Variants in ADAM8 observed in about 807,000 individuals in gnomAD.
The protein encoded by ADAM8 is ADAM metallopeptidase domain 8, also known as disintegrin and metalloproteinase domain-containing protein 8.
ADAM8 carries 104 observed loss-of-function variants against 102.4 expected under a neutral mutation model. The observed-to-expected ratio is 1.02, with a 90% CI of 0.87 to 1.20. The LOEUF (loss-of-function observed/expected upper bound fraction) is 1.20, where lower values mean the gene tolerates loss of function less well. Among genes scored for constraint, ADAM8 ranks in the 50% most tolerant of loss-of-function variants. The pLI, the probability that ADAM8 is intolerant of heterozygous loss-of-function variation, is 0.00. For missense variants in ADAM8, 1,132 were observed against 1,159.0 expected, an observed-to-expected ratio of 0.98 and a Z score of 0.34; for synonymous variants, 517 against 485.2, an observed-to-expected ratio of 1.07 and a Z score of -0.86.
chr10:133,274,148 G>T lies in ADAM8; in HGVS notation c.227+11C>A. The T allele has an allele frequency of 6.3e-7, 1 of 1,584,822 alleles. No homozygotes were observed. Among genetic ancestry groups the T allele is most frequent in the Non-Finnish European group, 8.6e-7 (1 of 1,164,966 alleles). On this transcript the variant is annotated intron_variant, in intron 3 of 22. Transcript: ENST00000445355. ...GGCCCGGGCAGGGGGGCCGACCCGA[G>T]ACCCACTCACCTGTTCTTCCGCAGG... is the stretch of plus-strand genomic sequence containing the variant.
chr10:133,274,346 C>T, intron 2 of ADAM8, 111 bp from the exon 3 acceptor site: 1 of 1,028,892 alleles, frequency 9.7e-7, no homozygotes, highest in Non-Finnish European at 1.4e-6. Context: ...GGCCTCCAGC[C>T]CCAGGTCAAG....
Position 133,272,447 on chromosome 10 carries a change from GCCGTGT to G in ADAM8, c.838_843del (p.Thr280_Arg281del). The G allele has an allele frequency of 6.2e-7, 1 of 1,609,560 alleles. No homozygotes were observed. Among genetic ancestry groups the G allele is most frequent in the Non-Finnish European group, 8.5e-7 (1 of 1,179,420 alleles). On this transcript the variant is annotated inframe_deletion, in exon 9 of 23. Coordinates refer to ENST00000445355, the MANE Select transcript of ADAM8 (RefSeq NM_001109.5). ...AGCTGTACGTTGTCATGCAGGTGCC[GCCGTGT>G]CCGTTGCCGTGCCTGCCAGGTCAGG... is the stretch of plus-strand genomic sequence containing the variant.
intron 20 of ADAM8, 140 bp from the exon 21 acceptor site, chr10:133,267,557 T>G: frequency 2.4e-6 from 2 of 824,918 alleles, no homozygotes; most frequent in Admixed American, 5.6e-5. Flanking sequence ...CCACCCCAGA[T>G]GAGAGGCCCC....
At position 133,270,812 on chromosome 10, in the gene ADAM8, G is replaced by C; in HGVS notation, c.1565-7C>G. On this transcript the variant is annotated splice_region_variant and splice_polypyrimidine_tract_variant and intron_variant, in intron 14 of 22. Coordinates refer to ENST00000445355, the MANE Select transcript of ADAM8 (RefSeq NM_001109.5). ...TCCTCGGCAGCCTGCCCACCTGTGGGACCAGAAGCGGGTTAGCCCTGGCAA... is the reference window on the plus strand; with the variant it reads ...TCCTCGGCAGCCTGCCCACCTGTGGCACCAGAAGCGGGTTAGCCCTGGCAA... The C allele has an allele frequency of 6.2e-7, 1 of 1,608,534 alleles. No homozygotes were observed. Among genetic ancestry groups the C allele is most frequent in the Non-Finnish European group, 8.5e-7 (1 of 1,177,080 alleles).
In ADAM8 at chr10:133,271,212, G is replaced by C. The variant is rs1193164883; in HGVS notation, c.1362C>G (p.Cys454Trp). 1 of 1,611,540 alleles carries C rather than the reference G, an allele frequency of 6.2e-7. No individual in the cohort carries two copies. Among genetic ancestry groups the C allele is most frequent in the Non-Finnish European group, 8.5e-7 (1 of 1,179,470 alleles). ...EGAQCAHGTC[C>W]QECKVKPAGE... ...AGGCTGCACTCACCTTGCACTCCTG[G>C]CAGCAGGTACCGTGCGCACACTGGG... is the stretch of plus-strand genomic sequence containing the variant. The change falls in exon 13 of 23, where the codon TGC becomes TGG. Residue 454 changes from cysteine to tryptophan, a missense_variant. By Grantham distance (215) the Cys-to-Trp change is radical. Coordinates refer to ENST00000445355, the MANE Select transcript of ADAM8 (RefSeq NM_001109.5).
In ADAM8 at chr10:133,273,460, C is replaced by T. The variant is rs746884500; in HGVS notation, c.384-17G>A. The T allele has an allele frequency of 1.1e-5, 17 of 1,524,724 alleles. No homozygotes were observed. Among genetic ancestry groups the T allele is most frequent in the African/African-American group, 2.8e-5 (2 of 72,376 alleles). The allele number at this position is 1,524,724 out of a possible 1,614,324, so 94.4% of individuals were successfully genotyped here. On this transcript the variant is annotated splice_polypyrimidine_tract_variant and intron_variant, in intron 5 of 22. Transcript: ENST00000445355. ...AAGAAACCCCTGAGGGGAGTGGGAGCCGGGTGTGCTGTGGGCTTCAGAGTG... is the reference window on the plus strand; with the variant it reads ...AAGAAACCCCTGAGGGGAGTGGGAGTCGGGTGTGCTGTGGGCTTCAGAGTG...
rs1846238009 is a variant in ADAM8 at position 133,263,770 on chromosome 10, G to A, written c.2320-5C>T. 1 of 1,553,424 alleles carries A rather than the reference G, an allele frequency of 6.4e-7. No homozygotes were observed. The highest frequency in any genetic ancestry group is 1.2e-5 in the South Asian group (1 of 82,922). On this transcript the variant is annotated splice_polypyrimidine_tract_variant and splice_region_variant and intron_variant, in intron 21 of 22. Coordinates refer to ENST00000445355, the MANE Select transcript of ADAM8 (RefSeq NM_001109.5). ...TGCGAACGTTGGCTTGATGACCTGG[G>A]AGGAAACAGACACAGCTGACATGGG...
In ADAM8 at chr10:133,268,839, C is replaced by T. The variant is rs765395197; in HGVS notation, c.1972G>A (p.Val658Met). 37 of 1,609,508 alleles carry T rather than the reference C, an allele frequency of 2.3e-5. 1 individual carries two copies. Among genetic ancestry groups the T allele is most frequent in the Admixed American group, 1.7e-4 (10 of 59,994 alleles). ...GCCAGGAGCACCAGAACCACCACCA[C>T]GAAGACGGGGAGGCTCCCGGACGCT... Reference protein sequence around the residue: ...HAASGSLPVFVVVVLVLLAVV... With the variant: ...HAASGSLPVFMVVVLVLLAVV... The change falls in exon 19 of 23, where the codon GTG becomes ATG. Residue 658 changes from valine to methionine, a missense_variant. By Grantham distance (21) the Val-to-Met change is conservative. Transcript: ENST00000445355.
chr10:133,273,531 C>A, intron 5 of ADAM8, 88 bp from the exon 6 acceptor site: 1 of 1,412,196 alleles, frequency 7.1e-7, no homozygotes, highest in South Asian at 1.4e-5. Context: ...TTGTTGCCTA[C>A]AGCTCCCCCT....
chr10:133,276,822 G>A lies in ADAM8; in HGVS notation c.-5C>T, dbSNP rs1166817232. 22 of 1,525,520 alleles carry A rather than the reference G, an allele frequency of 1.4e-5. No homozygotes were observed. The East Asian group carries it at 5.5e-4, about 38-fold the overall frequency. 94.5% of individuals were successfully genotyped at this position (1,525,520 alleles called of 1,614,324 possible). On this transcript the variant is annotated 5_prime_UTR_variant, in exon 1 of 23. Transcript: ENST00000445355. ...CCAGAGCCCGAGGCCGCGCATGGCC[G>A]GGTCGGGGAGCAGAGGCGGAGGTGA...
In ADAM8 at chr10:133,268,105, T is replaced by G. The variant is rs1846387892; in HGVS notation, c.2077A>C (p.Lys693Gln). The G allele has an allele frequency of 7.9e-7, 1 of 1,272,138 alleles. No individual in the cohort carries two copies. Among genetic ancestry groups the G allele is most frequent in the African/African-American group, 1.5e-5 (1 of 65,504 alleles). 78.8% of individuals were successfully genotyped at this position (1,272,138 alleles called of 1,614,324 possible). The change falls in exon 20 of 23, where the codon AAG becomes CAG. Residue 693 changes from lysine to glutamine, a missense_variant. By Grantham distance (53) the Lys-to-Gln change is moderately conservative (BLOSUM62 1). Coordinates refer to ENST00000445355, the MANE Select transcript of ADAM8 (RefSeq NM_001109.5). ...GGGTTGGAGCGCCCCATTGTGGTCT[T>G]GGGAGCCACGTTCCTGGGGAGGAAG... is the stretch of plus-strand genomic sequence containing the variant. The part of the protein sequence containing the change: ...SRILSRNVAP[K>Q]TTMGRSNPLF...
At chr10:133,265,597 T>C (rs995673072) in intron 21 of ADAM8, among the ~76,000 whole-genome samples, 29 of 151,964 alleles carry the variant, frequency 1.9e-4, no homozygotes, top group Non-Finnish European at 1.0e-4. Context: ...CAAGACCATC[T>C]TGGCTAACAC....
At chr10:133,272,304 G>A (rs1846559490) in intron 9 of ADAM8, 30 bp from the exon 10 acceptor site, 1 of 1,499,826 alleles carries the variant, frequency 6.7e-7, no homozygotes, top group African/African-American at 1.4e-5. Context: ...AGATGCCCTG[G>A]ACACGGCTCC....
intron 21 of ADAM8, among the ~76,000 whole-genome samples, chr10:133,266,985 C>T (rs1157154549): frequency 8.8e-6 from 1 of 113,894 alleles, no homozygotes. Context: ...AAGGGAAGCG[C>T]GGAACGTGTC....
chr10:133,273,918 C>T (rs1355449466), intron 4 of ADAM8, 33 bp downstream of exon 4: 2 of 1,570,730 alleles, frequency 1.3e-6, no homozygotes, highest in Non-Finnish European at 1.7e-6. Flanking sequence ...CCAGCCCCTA[C>T]CTGCCCGCCC....
chr10:133,275,443 G>C, intron 2 of ADAM8, 41 bp downstream of exon 2: 4 of 1,438,428 alleles, frequency 2.8e-6, no homozygotes, highest in South Asian at 2.6e-5. Flanking sequence ...AATAGGCTCA[G>C]GGGCCAGCCA....
chr10:133,268,842 A>C lies in ADAM8; in HGVS notation c.1969T>G (p.Phe657Val), dbSNP rs2275720. ...AGGAGCACCAGAACCACCACCACGA[A>C]GACGGGGAGGCTCCCGGACGCTGTG... ...VHAASGSLPV[F>V]VVVVLVLLAV... Residue 657 changes from phenylalanine (F) to valine (V), a missense_variant, in exon 19 of 23, where the codon TTC becomes GTC. Phe to Val is a conservative substitution (Grantham distance 50, BLOSUM62 -1). Coordinates refer to ENST00000445355, the MANE Select transcript of ADAM8 (RefSeq NM_001109.5). 6.2e-7 allele frequency: 1 copy of C among 1,608,458 alleles called. No homozygotes were observed. Among genetic ancestry groups the C allele is most frequent in the East Asian group, 2.2e-5 (1 of 44,860 alleles).
chr10:133,270,058 G>A, intron 16 of ADAM8, 84 bp from the exon 17 acceptor site: 1 of 1,466,294 alleles, frequency 6.8e-7, no homozygotes. Context: ...TAAGCTGGGG[G>A]TGGGCTGTGG....
intron 2 of ADAM8, 68 bp downstream of exon 2, chr10:133,275,416 A>T: frequency 8.1e-7 from 1 of 1,236,716 alleles, no homozygotes; most frequent in Non-Finnish European, 1.1e-6. Flanking sequence ...TCTGTAAGCT[A>T]AAGCTCCTTT....
Sources: gnomAD v4.1 joint callset for allele counts (sites outside exome capture counted in the v4.1 genomes callset) on GRCh38, gnomAD v4.1.1 for gene constraint, MANE v1.5 for transcripts, NCBI Gene and HGNC (gene_info 2026-07-23, HGNC 2026-07-21) for gene names.